NSMCE2: variants seen among roughly 807,000 people sequenced by gnomAD.
NSMCE2 encodes E3 SUMO-protein ligase NSE2.
NSMCE2 carries 24 observed loss-of-function variants against 23.8 expected under a neutral mutation model. The ratio of observed to expected loss-of-function variants is 1.01; its 90% CI spans 0.73 to 1.42. NSMCE2 has a LOEUF of 1.42. NSMCE2 is among the 40% of genes most tolerant of loss of function. The probability of loss-of-function intolerance (pLI) is 0.00; values close to 1 mark genes in which losing one functional copy is unlikely to be tolerated. For synonymous variants in NSMCE2, 92 were observed against 94.1 expected (o/e 0.98, Z 0.13); for missense variants, 284 against 296.5 (o/e 0.96, Z 0.31).
Position 125,151,167 on chromosome 8 carries a change from T to TCAG in NSMCE2, c.158-2_158dup. 6.5e-7 allele frequency: 1 copy of TCAG among 1,533,234 alleles called. No individual in the cohort carries two copies. Among genetic ancestry groups the TCAG allele is most frequent in the Non-Finnish European group, 8.9e-7 (1 of 1,119,926 alleles). The allele number at this position is 1,533,234 out of a possible 1,614,324, so 95.0% of individuals were successfully genotyped here. ...ATAATAATTGCAATTTTTTTTTCTT[T>TCAG]CAGCTGAAGTGAGTAGTGAATATAG... On this transcript the variant is annotated splice_polypyrimidine_tract_variant and splice_region_variant and intron_variant, in intron 3 of 7. Transcript: ENST00000287437.
At chr8:125,349,159 T>C (rs538087848) in intron 5 of NSMCE2, among the ~76,000 whole-genome samples, 14 of 152,118 alleles carry the variant, frequency 9.2e-5, no homozygotes, top group Non-Finnish European at 1.8e-4. Context: ...GTGGGGTTAC[T>C]GGTAGCCCCA....
intron 1 of NSMCE2, among the ~76,000 whole-genome samples, chr8:125,097,382 T>C (rs6983240): frequency 3.9e-5 from 6 of 152,222 alleles, no homozygotes; most frequent in African/African-American, 1.4e-4. Flanking sequence ...GTCTACACTA[T>C]ATTCCCAAAG....
In NSMCE2 at chr8:125,151,798, A is replaced by C. The variant is rs750177921; in HGVS notation, c.264+521A>C. ...ACTCCAGCTGTCACAGGAACAACAC[A>C]TAAGGCAGTTAAGGTGGGAACATAG... On this transcript the variant is annotated intron_variant, in intron 4 of 7. Transcript: ENST00000287437. Among the ~76,000 whole-genome samples, 3 of 152,218 alleles carry C rather than the reference A, an allele frequency of 2.0e-5. No homozygotes were observed. In the South Asian group the frequency reaches 6.2e-4, roughly 31 times the overall value.
chr8:125,106,436 T>G (rs191081855), intron 3 of NSMCE2, among the ~76,000 whole-genome samples: 27 of 152,276 alleles, frequency 1.8e-4, no homozygotes, highest in Admixed American at 1.6e-3. Context: ...TCCCAGCACT[T>G]TGGGAGGCTG....
chr8:125,346,508 T>C (rs1830440367), intron 5 of NSMCE2, among the ~76,000 whole-genome samples: 1 of 152,220 alleles, frequency 6.6e-6, no homozygotes, highest in Non-Finnish European at 1.5e-5. Context: ...AGGATGTAAA[T>C]AATGGAAAAT....
intron 5 of NSMCE2, among the ~76,000 whole-genome samples, chr8:125,266,435 T>C (rs928526406): frequency 3.9e-5 from 6 of 152,238 alleles, no homozygotes; most frequent in African/African-American, 1.4e-4. Context: ...GTTTCTTGAA[T>C]AATGAAAATA....
At chr8:125,235,652 T>A (rs1825512597) in intron 5 of NSMCE2, among the ~76,000 whole-genome samples, 1 of 152,250 alleles carries the variant, frequency 6.6e-6, no homozygotes, top group South Asian at 2.1e-4. Flanking sequence ...TCCATGTCAG[T>A]GAATACAAAG....
At chr8:125,289,369 T>G (rs572475594) in intron 5 of NSMCE2, among the ~76,000 whole-genome samples, 17 of 152,184 alleles carry the variant, frequency 1.1e-4, no homozygotes, top group Non-Finnish European at 2.2e-4. Flanking sequence ...TAAGTGCCCC[T>G]CTCTCAGCCA....
At chr8:125,349,583 TAA>T (rs11359401) in intron 5 of NSMCE2, among the ~76,000 whole-genome samples, 3,888 of 143,708 alleles carry the variant, frequency 0.027, 145 homozygotes, top group African/African-American at 0.084. Flanking sequence ...AGCTTGTATT[TAA>T]AAAAAAAAAA....
At chr8:125,144,503 C>T (rs866435824) in intron 3 of NSMCE2, among the ~76,000 whole-genome samples, 5 of 152,166 alleles carry the variant, frequency 3.3e-5, no homozygotes, top group African/African-American at 1.2e-4. Flanking sequence ...GAACTGGCGC[C>T]GGATAAGCTC....
intron 5 of NSMCE2, among the ~76,000 whole-genome samples, chr8:125,215,726 G>A (rs910661834): frequency 6.6e-6 from 1 of 152,148 alleles, no homozygotes; most frequent in Non-Finnish European, 1.5e-5. Context: ...GTGTAAGGAA[G>A]GGATCCAGTT....
chr8:125,242,132 C>T (rs143288936), intron 5 of NSMCE2, among the ~76,000 whole-genome samples: 1 of 151,936 alleles, frequency 6.6e-6, no homozygotes, highest in Admixed American at 6.6e-5. Flanking sequence ...ACCACTGTTA[C>T]AGGTGACAGT....
intron 4 of NSMCE2, among the ~76,000 whole-genome samples, chr8:125,159,176 ACT>A (rs1243057218): frequency 6.6e-6 from 1 of 152,178 alleles, no homozygotes; most frequent in Non-Finnish European, 1.5e-5. Context: ...ATTACAGTAT[ACT>A]GTTATCATTA....
At chr8:125,213,516 TCTCCTCTCCTCTCC>T (rs1563722963) in intron 5 of NSMCE2, among the ~76,000 whole-genome samples, 5 of 124,174 alleles carry the variant, frequency 4.0e-5, no homozygotes, top group Non-Finnish European at 8.7e-5. Context: ...TCTCCTCTCC[TCTCCTCTCCTCTCC>T]TCTCCTCTCC....
At chr8:125,211,116 T>C (rs1299672972) in intron 5 of NSMCE2, among the ~76,000 whole-genome samples, 1 of 152,210 alleles carries the variant, frequency 6.6e-6, no homozygotes, top group Non-Finnish European at 1.5e-5. Flanking sequence ...TCTGTTCTAT[T>C]ATACATTTTA....
chr8:125,151,120 G>C, intron 3 of NSMCE2, 51 bp from the exon 4 acceptor site: 1 of 938,710 alleles, frequency 1.1e-6, no homozygotes, highest in African/African-American at 1.6e-5. Context: ...ACTTTTTCCA[G>C]ATATGGCATT....
chr8:125,121,626 C>G (rs1202465255), intron 3 of NSMCE2, among the ~76,000 whole-genome samples: 1 of 152,152 alleles, frequency 6.6e-6, no homozygotes, highest in African/African-American at 2.4e-5. Context: ...ATTTTATGAC[C>G]TAGCAGCCTG....
intron 4 of NSMCE2, among the ~76,000 whole-genome samples, chr8:125,171,457 T>C (rs912916690): frequency 6.6e-6 from 1 of 152,214 alleles, no homozygotes; most frequent in Non-Finnish European, 1.5e-5. Context: ...ATTAGACCGC[T>C]CCTCAGCTTC....
At chr8:125,300,130 T>C (rs937289176) in intron 5 of NSMCE2, among the ~76,000 whole-genome samples, 2 of 150,640 alleles carry the variant, frequency 1.3e-5, no homozygotes, top group African/African-American at 2.4e-5. Context: ...ATTTTCGGCT[T>C]TCTTGTACTG....
Sources: allele counts gnomAD v4.1 joint callset (sites outside exome capture counted in the v4.1 genomes callset), GRCh38; gene constraint gnomAD v4.1.1; transcripts MANE v1.5; gene names NCBI Gene and HGNC (gene_info 2026-07-23, HGNC 2026-07-21).